CCDC102B: variants seen among roughly 807,000 people sequenced by gnomAD.
The protein encoded by CCDC102B is coiled-coil domain-containing protein 102B.
CCDC102B carries 75 observed loss-of-function variants against 57.4 expected under a neutral mutation model. That is an observed-to-expected ratio of 1.31 (90% CI 1.08 to 1.58). The LOEUF (loss-of-function observed/expected upper bound fraction) is 1.58. Ranked by LOEUF, CCDC102B falls within the 40% of genes most tolerant of loss-of-function variation. The pLI is 0.00. For synonymous variants in CCDC102B, 206 were observed against 201.9 expected (o/e 1.02, Z -0.17); for missense variants, 636 against 582.6 (o/e 1.09, Z -0.94).
At chr18:68,743,071 G>A (rs972511999) in intron 2 of CCDC102B, among the ~76,000 whole-genome samples, 3 of 151,990 alleles carry the variant, frequency 2.0e-5, no homozygotes, top group South Asian at 4.2e-4. Flanking sequence ...TCAGAGGTAC[G>A]TTAAAAATCT....
chr18:68,940,805 A>T (rs1221265776), intron 6 of CCDC102B, among the ~76,000 whole-genome samples: 3 of 151,924 alleles, frequency 2.0e-5, no homozygotes, highest in African/African-American at 7.2e-5. Context: ...ATTTTATTAC[A>T]TTTATTTCAA....
chr18:69,008,333 G>A (rs2051407806), intron 6 of CCDC102B, among the ~76,000 whole-genome samples: 1 of 152,176 alleles, frequency 6.6e-6, no homozygotes, highest in African/African-American at 2.4e-5. Context: ...CAGTGATGGT[G>A]CATAAACGAC....
rs186452685 is a variant in CCDC102B at position 68,913,707 on chromosome 18, C to T, written c.1263+16279C>T. Among the ~76,000 whole-genome samples the T allele has an allele frequency of 1.5e-4, 22 of 150,882 alleles. No homozygotes were observed. In the East Asian group the frequency reaches 4.3e-3, roughly 29 times the overall value. ...AGACAAAACTAACCAAACAGGAAGT[C>T]AATAAAGCTAAAGAAAGTGTAATTT... On this transcript the variant is annotated intron_variant, in intron 6 of 7. Coordinates refer to ENST00000360242, the MANE Select transcript of CCDC102B (RefSeq NM_024781.3).
intron 6 of CCDC102B, among the ~76,000 whole-genome samples, chr18:69,008,400 G>A (rs781501582): frequency 2.0e-5 from 3 of 152,160 alleles, no homozygotes; most frequent in African/African-American, 7.2e-5. Flanking sequence ...AAACGAGTTC[G>A]AGTGTCCTGT....
intron 6 of CCDC102B, among the ~76,000 whole-genome samples, chr18:68,911,751 C>CAAAAAAAAAAAAAAAAAAAA (rs74175338): frequency 1.1e-4 from 2 of 18,008 alleles, no homozygotes; most frequent in Admixed American, 1.4e-3. Flanking sequence ...GACTCCGTCT[C>CAAAAAAAAAAAAAAAAAAAA]AAAAAAAAAA....
At chr18:68,802,651 T>C (rs867275487) in intron 1 of CCDC102B, among the ~76,000 whole-genome samples, 14 of 152,222 alleles carry the variant, frequency 9.2e-5, no homozygotes, top group African/African-American at 3.4e-4. Flanking sequence ...GGACCTCACA[T>C]GGTCCATTCA....
intron 3 of CCDC102B, among the ~76,000 whole-genome samples, chr18:68,843,122 A>G (rs2037711654): frequency 6.6e-6 from 1 of 152,188 alleles, no homozygotes; most frequent in South Asian, 2.1e-4. Flanking sequence ...GAGTGCTAAC[A>G]CCCAGTGCTG....
At position 69,054,927 on chromosome 18, in the gene CCDC102B, G is replaced by A. The variant is rs2052790633; in HGVS notation, c.*790G>A. On this transcript the variant is annotated 3_prime_UTR_variant, in exon 8 of 8. Coordinates refer to ENST00000360242, the MANE Select transcript of CCDC102B (RefSeq NM_024781.3). Reference sequence around the variant, plus strand: ...GGAATAGAGAAAATTAGGAAATTGTGGTTATGTGAATATTTCTTTAAAACT... The same window carrying A: ...GGAATAGAGAAAATTAGGAAATTGTAGTTATGTGAATATTTCTTTAAAACT... 1 of 984,986 alleles carries A rather than the reference G, an allele frequency of 1.0e-6. No homozygotes were observed. The highest frequency in any genetic ancestry group is 1.2e-6 in the Non-Finnish European group (1 of 829,832). The allele number at this position is 984,986 out of a possible 1,614,324, so 61.0% of individuals were successfully genotyped here.
intron 6 of CCDC102B, among the ~76,000 whole-genome samples, chr18:68,997,555 C>T (rs769531477): frequency 2.0e-5 from 3 of 152,088 alleles, no homozygotes; most frequent in Non-Finnish European, 4.4e-5. Context: ...GTCAAGTAGA[C>T]AGCTTGATAT....
chr18:68,773,362 A>G (rs2034704549), intron 2 of CCDC102B, among the ~76,000 whole-genome samples: 1 of 152,034 alleles, frequency 6.6e-6, no homozygotes, highest in Non-Finnish European at 1.5e-5. Flanking sequence ...CCAAGAAGTT[A>G]GTTTGCTTCA....
chr18:68,869,369 T>A (rs1308652350), intron 4 of CCDC102B, among the ~76,000 whole-genome samples: 1 of 151,926 alleles, frequency 6.6e-6, no homozygotes, highest in Non-Finnish European at 1.5e-5. Context: ...AGGAAGAGAG[T>A]CTTTGAACAA....
rs368598677 is a variant in CCDC102B at position 68,927,978 on chromosome 18, A to T, written c.1263+30550A>T. Among the ~76,000 whole-genome samples, 27 of 152,014 alleles carry T rather than the reference A, an allele frequency of 1.8e-4. No homozygotes were observed. In the East Asian group the frequency reaches 2.1e-3, roughly 12 times the overall value. On this transcript the variant is annotated intron_variant, in intron 6 of 7. Coordinates refer to ENST00000360242, the MANE Select transcript of CCDC102B (RefSeq NM_024781.3). ...AGCACACAAAACGTTTAACTTACAG[A>T]CACTGGGCAGTTAGATGATAGTCAA...
At chr18:68,745,881 G>T (rs1035315230) in intron 2 of CCDC102B, among the ~76,000 whole-genome samples, 3 of 151,950 alleles carry the variant, frequency 2.0e-5, no homozygotes, top group African/African-American at 7.3e-5. Context: ...TGTCCTGCAC[G>T]CTCATTCATG....
intron 6 of CCDC102B, among the ~76,000 whole-genome samples, chr18:68,965,767 A>G (rs1481307750): frequency 6.6e-6 from 1 of 151,818 alleles, no homozygotes; most frequent in East Asian, 1.9e-4. Flanking sequence ...GTGATGGGTA[A>G]TTTTTTACTA....
At chr18:68,808,679 C>T (rs1449289140) in intron 1 of CCDC102B, among the ~76,000 whole-genome samples, 2 of 151,918 alleles carry the variant, frequency 1.3e-5, no homozygotes, top group Non-Finnish European at 1.5e-5. Context: ...AGGGTTTCAC[C>T]GTATTAGCCA....
rs2037417134 is a variant in CCDC102B at position 68,837,129 on chromosome 18, A to T, written c.366A>T (p.Gln122His). ...ACAGTGCCAGGGAGGAAGGAAGACA[A>T]CTCAGAATAAAACTAGAGATGGCGA... The part of the protein sequence containing the change: ...ERNSAREEGR[Q>H]LRIKLEMAMK... The change falls in exon 2 of 8, where the codon CAA becomes CAT. Residue 122 changes from glutamine to histidine, a missense_variant. Coordinates refer to ENST00000360242, the MANE Select transcript of CCDC102B (RefSeq NM_024781.3). 10 of 1,614,118 alleles carry T rather than the reference A, an allele frequency of 6.2e-6. No homozygotes were observed. Among genetic ancestry groups the T allele is most frequent in the Non-Finnish European group, 8.5e-6 (10 of 1,180,022 alleles).
chr18:69,053,990 C>G, intron 7 of CCDC102B, 40 bp from the exon 8 acceptor site: 1 of 1,518,194 alleles, frequency 6.6e-7, no homozygotes, highest in Non-Finnish European at 9.0e-7. Context: ...TACTATAGAA[C>G]ACTTGAACCT....
intron 2 of CCDC102B, among the ~76,000 whole-genome samples, chr18:68,772,984 C>CAAAT (rs1372564309): frequency 6.6e-6 from 1 of 151,940 alleles, no homozygotes; most frequent in African/African-American, 2.4e-5. Context: ...GGTAAGAGGG[C>CAAAT]AAATGAATGT....
Position 69,054,482 on chromosome 18 carries a change from G to T in CCDC102B, c.*345G>T. The T allele has an allele frequency of 9.9e-7, 1 of 1,006,782 alleles. No individual in the cohort carries two copies. The highest frequency in any genetic ancestry group is 1.2e-6 in the Non-Finnish European group (1 of 844,414). 62.4% of individuals were successfully genotyped at this position (1,006,782 alleles called of 1,614,324 possible). ...AGTTGAAAACCATACAAGACGCTGG[G>T]TCATTAATAAGAAAACCATTGACTT... is the stretch of plus-strand genomic sequence containing the variant. On this transcript the variant is annotated 3_prime_UTR_variant, in exon 8 of 8. Transcript: ENST00000360242.
Sources: allele counts gnomAD v4.1 joint callset (sites outside exome capture counted in the v4.1 genomes callset), GRCh38; gene constraint gnomAD v4.1.1; transcripts MANE v1.5; gene names NCBI Gene and HGNC (gene_info 2026-07-23, HGNC 2026-07-21).